The following PCDHGA4 variants were observed in gnomAD, a reference collection of about 807,000 sequenced individuals.
The protein encoded by PCDHGA4 is protocadherin gamma subfamily A, 4.
A neutral mutation model predicts 54.6 loss-of-function variants in PCDHGA4; 38 were observed. The ratio of observed to expected loss-of-function variants is 0.70; its 90% CI spans 0.54 to 0.91. PCDHGA4 has a LOEUF of 0.91. Ranked by LOEUF, PCDHGA4 falls within the 40% of genes least tolerant of loss-of-function variation. The probability of loss-of-function intolerance (pLI) is 0.00; values close to 1 mark genes in which losing one functional copy is unlikely to be tolerated. For synonymous variants in PCDHGA4, 511 were observed against 512.9 expected, an observed-to-expected ratio of 1.00 and a Z score of 0.05; for missense variants, 1,298 against 1,220.9, an observed-to-expected ratio of 1.06 and a Z score of -0.94.
chr5:141,364,593 G>T (rs1404153764), intron 1 of PCDHGA4: 1 of 1,614,096 alleles, frequency 6.2e-7, no homozygotes, highest in Non-Finnish European at 8.5e-7. Flanking sequence ...GTCACCGCGG[G>T]CAGGATAGAC....
chr5:141,355,940 A>T lies in PCDHGA4; in HGVS notation c.833A>T (p.Tyr278Phe). Reference sequence around the variant, plus strand: ...GCTCCCGTGTTCACTCAGCCCGAGTACCACGTAAGTGTTCGTGAGAACGTT... The same window carrying T: ...GCTCCCGTGTTCACTCAGCCCGAGTTCCACGTAAGTGTTCGTGAGAACGTT... The part of the protein sequence containing the change: ...DNAPVFTQPE[Y>F]HVSVRENVPV... Residue 278 changes from tyrosine to phenylalanine, a missense_variant, in exon 1 of 4, where the codon TAC becomes TTC. Physicochemically the swap from Tyr to Phe is conservative, Grantham distance 22. Coordinates refer to ENST00000571252, the MANE Select transcript of PCDHGA4 (RefSeq NM_018917.4). The T allele has an allele frequency of 6.2e-7, 1 of 1,613,912 alleles. No individual in the cohort carries two copies. Among genetic ancestry groups the T allele is most frequent in the East Asian group, 2.2e-5 (1 of 44,884 alleles).
At chr5:141,407,453 C>T (rs914537742) in intron 1 of PCDHGA4, among the ~76,000 whole-genome samples, 4 of 148,722 alleles carry the variant, frequency 2.7e-5, no homozygotes, top group Non-Finnish European at 6.0e-5. Flanking sequence ...ACACGAGGCT[C>T]ACCAGACAGA....
rs2099403992 is a variant in PCDHGA4, at chr5:141,477,030, C to T, written c.2515-17777C>T. On this transcript the variant is annotated intron_variant, in intron 1 of 3. Transcript: ENST00000571252. This position sits in a 1 kb window ranked among gnomAD's most constrained non-coding sequence, Gnocchi z 4.9. ...TTAGACCTTGTAACCGGGATGCTGACAATCAAGGGTCGGCTGGACTTCGAG... is the reference window on the plus strand; with the variant it reads ...TTAGACCTTGTAACCGGGATGCTGATAATCAAGGGTCGGCTGGACTTCGAG... The T allele has an allele frequency of 1.2e-6, 2 of 1,614,272 alleles. No homozygotes were observed. The highest frequency in any genetic ancestry group is 1.6e-4 in the Middle Eastern group (1 of 6,062).
chr5:141,466,278 T>G (rs1459665755), intron 1 of PCDHGA4, among the ~76,000 whole-genome samples: 1 of 152,128 alleles, frequency 6.6e-6, no homozygotes, highest in Non-Finnish European at 1.5e-5. Context: ...TCAAGCAATC[T>G]TCCCACCTCA....
At chr5:141,419,318 G>A in intron 1 of PCDHGA4, 1 of 1,613,992 alleles carries the variant, frequency 6.2e-7, no homozygotes, top group Non-Finnish European at 8.5e-7. Flanking sequence ...CAACGGCCGT[G>A]TCTCCTACTC....
rs866190808 is a variant in PCDHGA4 at position 141,376,751 on chromosome 5, A to G, written c.2514+19130A>G. On this transcript the variant is annotated intron_variant, in intron 1 of 3. Transcript: ENST00000571252. ...CCGGACTGCGGACTGCAGTGGCGCA[A>G]TCTCGGCTCACTGCAAGCTCCGCTT... The G allele has an allele frequency of 1.3e-4, 58 of 460,324 alleles. 1 individual carries two copies. Among genetic ancestry groups the G allele is most frequent in the African/African-American group, 1.1e-3 (50 of 46,164 alleles). 28.5% of individuals were successfully genotyped at this position (460,324 alleles called of 1,614,324 possible).
intron 1 of PCDHGA4, chr5:141,409,496 C>CT (rs1276498782): frequency 6.2e-7 from 1 of 1,614,044 alleles, no homozygotes; most frequent in South Asian, 1.1e-5. Context: ...CAAGCCGCCT[C>CT]TTTCTTCCAG....
intron 1 of PCDHGA4, chr5:141,361,155 C>G (rs760085788): frequency 1.2e-6 from 2 of 1,613,954 alleles, no homozygotes; most frequent in East Asian, 4.5e-5. Flanking sequence ...TTCTTGATGA[C>G]AACGATTGTG....
In PCDHGA4 at chr5:141,491,696, G is replaced by A; in HGVS notation, c.2515-3111G>A. The A allele has an allele frequency of 6.2e-7, 1 of 1,612,390 alleles. No individual in the cohort carries two copies. The highest frequency in any genetic ancestry group is 8.5e-7 in the Non-Finnish European group (1 of 1,179,286). ...CGCTCTAATACGCTGCGGGAGCGGA[G>A]CCAGGTGAGGGGCTCGGCGCCGCCC... On this transcript the variant is annotated intron_variant, in intron 1 of 3. Coordinates refer to ENST00000571252, the MANE Select transcript of PCDHGA4 (RefSeq NM_018917.4). This position sits in a 1 kb window ranked among gnomAD's most constrained non-coding sequence, Gnocchi z 6.9.
chr5:141,385,704 T>C (rs1297599541), intron 1 of PCDHGA4: 1 of 268,260 alleles, frequency 3.7e-6, no homozygotes. Context: ...CTCTTTAGCA[T>C]TCAAATATGT....
chr5:141,420,187 CA>C (rs779974762), intron 1 of PCDHGA4: 25 of 1,613,706 alleles, frequency 1.5e-5, no homozygotes, highest in Non-Finnish European at 2.1e-5. Flanking sequence ...ATTGTCCAGC[CA>C]CACAAGATAA....
Position 141,476,364 on chromosome 5 carries a change from C to T in PCDHGA4, c.2515-18443C>T, listed in dbSNP as rs1462808655. The T allele has an allele frequency of 6.2e-7, 1 of 1,614,036 alleles. No homozygotes were observed. The highest frequency in any genetic ancestry group is 8.5e-7 in the Non-Finnish European group (1 of 1,180,026). Reference sequence around the variant, plus strand: ...AGATTCTTTGAGGTGAACCGGGAGACCGGAGAGATGTTTGTGAACGACCGT... The same window carrying T: ...AGATTCTTTGAGGTGAACCGGGAGATCGGAGAGATGTTTGTGAACGACCGT... On this transcript the variant is annotated intron_variant, in intron 1 of 3. Coordinates refer to ENST00000571252, the MANE Select transcript of PCDHGA4 (RefSeq NM_018917.4). This position sits in a 1 kb window ranked among gnomAD's most constrained non-coding sequence, Gnocchi z 7.6.
chr5:141,366,389 C>G, intron 1 of PCDHGA4: 1 of 1,614,168 alleles, frequency 6.2e-7, no homozygotes. Flanking sequence ...CCCTGAGGAT[C>G]TGGACCTCAC....
intron 1 of PCDHGA4, among the ~76,000 whole-genome samples, chr5:141,482,800 G>C (rs10052648): frequency 0.023 from 2,992 of 130,874 alleles, 96 homozygotes; most frequent in African/African-American, 0.087. Context: ...GGCCGGGTAC[G>C]GTGGCTCATG....
chr5:141,395,562 G>T (rs975935179), intron 1 of PCDHGA4: 2 of 227,450 alleles, frequency 8.8e-6, no homozygotes, highest in Non-Finnish European at 1.7e-5. Context: ...GTGTGTGTGT[G>T]TGTGTGTGTG....
chr5:141,360,033 C>G, intron 1 of PCDHGA4: 1 of 1,391,410 alleles, frequency 7.2e-7, no homozygotes, highest in Non-Finnish European at 9.5e-7. Context: ...AGTATAGATT[C>G]GGAAACAGAA....
At chr5:141,403,732 G>A (rs1472288445) in intron 1 of PCDHGA4, 2 of 1,613,932 alleles carry the variant, frequency 1.2e-6, no homozygotes, top group Non-Finnish European at 1.7e-6. Context: ...CAGGCACCTG[G>A]CTGCTTACTG....
chr5:141,398,661 C>A, intron 1 of PCDHGA4: 1 of 1,614,018 alleles, frequency 6.2e-7, no homozygotes, highest in Non-Finnish European at 8.5e-7. Context: ...ACCCAAGTTT[C>A]TCATTAATAA....
chr5:141,473,431 G>A (rs541546681), intron 1 of PCDHGA4, among the ~76,000 whole-genome samples: 10 of 152,266 alleles, frequency 6.6e-5, no homozygotes, highest in Non-Finnish European at 1.3e-4. Flanking sequence ...CAGATACTTT[G>A]CTTATGCAAA....
Sources: allele counts gnomAD v4.1 joint callset (sites outside exome capture counted in the v4.1 genomes callset), GRCh38; gene constraint gnomAD v4.1.1; non-coding constraint Gnocchi (gnomAD v3.1); transcripts MANE v1.5; gene names NCBI Gene and HGNC (gene_info 2026-07-23, HGNC 2026-07-21).